The following NCKAP5 variants were observed in gnomAD, a reference collection of about 807,000 sequenced individuals.
The protein encoded by NCKAP5 is NCK associated protein 5.
In NCKAP5, 92 loss-of-function variants were observed where a neutral mutation model predicts 167.0. The observed-to-expected ratio is 0.55, with a 90% confidence interval of 0.47 to 0.66. The LOEUF is 0.66. Among genes scored for constraint, NCKAP5 ranks in the 30% least tolerant of loss-of-function variants. NCKAP5 has a pLI of 0.00. For missense variants in NCKAP5, 2,378 were observed against 2,315.0 expected, an observed-to-expected ratio of 1.03 and a Z score of -0.56; for synonymous variants, 891 against 877.4, an observed-to-expected ratio of 1.02 and a Z score of -0.27.
chr2:132,901,341 G>C (rs1477064032), intron 8 of NCKAP5, among the ~76,000 whole-genome samples: 2 of 152,186 alleles, frequency 1.3e-5, no homozygotes, highest in Non-Finnish European at 2.9e-5. Context: ...TTGCTCTGGA[G>C]GGAACATCAT....
chr2:133,132,481 G>GCGCACACACACA (rs1553546861), intron 5 of NCKAP5, among the ~76,000 whole-genome samples: 6 of 130,000 alleles, frequency 4.6e-5, no homozygotes, highest in African/African-American at 1.4e-4. Flanking sequence ...GAAAAAAAAA[G>GCGCACACACACA]CACACACACA....
At chr2:132,832,719 A>G (rs1181005544) in intron 11 of NCKAP5, among the ~76,000 whole-genome samples, 2 of 152,182 alleles carry the variant, frequency 1.3e-5, no homozygotes, top group African/African-American at 2.4e-5. Flanking sequence ...TTATGTCTGA[A>G]CAGTGTTACA....
intron 3 of NCKAP5, among the ~76,000 whole-genome samples, chr2:133,364,059 TATCATC>T (rs1005003025): frequency 5.3e-5 from 8 of 151,638 alleles, no homozygotes; most frequent in East Asian, 1.9e-4. Context: ...TAGGTGTTGG[TATCATC>T]ATCATCATCA....
intron 11 of NCKAP5, among the ~76,000 whole-genome samples, chr2:132,830,523 C>A (rs773925158): frequency 2.0e-5 from 3 of 152,044 alleles, no homozygotes; most frequent in Non-Finnish European, 4.4e-5. Flanking sequence ...TGACCACCAG[C>A]AGAAGAGGTA....
chr2:132,914,398 T>G (rs887519525), intron 8 of NCKAP5, among the ~76,000 whole-genome samples: 3 of 151,560 alleles, frequency 2.0e-5, no homozygotes, highest in Non-Finnish European at 3.0e-5. Context: ...AAAAAAATAA[T>G]GAAGTGTAAA....
intron 3 of NCKAP5, among the ~76,000 whole-genome samples, chr2:133,403,956 C>T (rs559871179): frequency 2.0e-5 from 3 of 151,792 alleles, no homozygotes; most frequent in East Asian, 3.9e-4. Flanking sequence ...CCCTTGACTG[C>T]CATGTGATGA....
chr2:132,914,974 C>G (rs992283247), intron 8 of NCKAP5, among the ~76,000 whole-genome samples: 11 of 131,994 alleles, frequency 8.3e-5, no homozygotes, highest in African/African-American at 3.2e-4. Flanking sequence ...AGCCAGCCAT[C>G]AAGTAAAGCT....
At chr2:132,973,632 G>A (rs1032834502) in intron 7 of NCKAP5, among the ~76,000 whole-genome samples, 2 of 151,786 alleles carry the variant, frequency 1.3e-5, no homozygotes, top group African/African-American at 4.8e-5. Flanking sequence ...ATTTCATTAA[G>A]ATTAGACCTG....
chr2:133,654,629 G>A, the NCKAP5 span, among the ~76,000 whole-genome samples: 1 of 152,124 alleles, frequency 6.6e-6, no homozygotes, highest in African/African-American at 2.4e-5. Flanking sequence ...TGGATTGTAA[G>A]TTTTTGGGGA....
At chr2:133,145,817 C>A (rs1031523734) in intron 5 of NCKAP5, among the ~76,000 whole-genome samples, 1 of 152,052 alleles carries the variant, frequency 6.6e-6, no homozygotes, top group Admixed American at 6.6e-5. Context: ...AACTCTGCAG[C>A]ACATTGCAGC....
At chr2:132,950,303 T>C (rs1289073497) in intron 8 of NCKAP5, among the ~76,000 whole-genome samples, 2 of 152,176 alleles carry the variant, frequency 1.3e-5, no homozygotes, top group Non-Finnish European at 2.9e-5. Flanking sequence ...TTTACTGAAT[T>C]TATATCTGGC....
At chr2:133,031,013 C>T (rs969191069) in intron 6 of NCKAP5, among the ~76,000 whole-genome samples, 5 of 152,066 alleles carry the variant, frequency 3.3e-5, no homozygotes, top group African/African-American at 1.2e-4. Context: ...AGATAAACTC[C>T]TCCTTTAAGA....
chr2:133,208,076 T>C (rs1038746047), intron 5 of NCKAP5, among the ~76,000 whole-genome samples: 2 of 152,156 alleles, frequency 1.3e-5, no homozygotes, highest in Middle Eastern at 3.2e-3. Context: ...TGGTGGCTCA[T>C]GCCTGTAATC....
intron 6 of NCKAP5, among the ~76,000 whole-genome samples, chr2:133,002,443 A>C (rs961210898): frequency 1.3e-5 from 2 of 152,228 alleles, no homozygotes; most frequent in African/African-American, 4.8e-5. Context: ...CTCTCAAAAT[A>C]TCTTATTGTA....
intron 3 of NCKAP5, among the ~76,000 whole-genome samples, chr2:133,344,968 C>T (rs1683862901): frequency 1.3e-5 from 2 of 151,930 alleles, no homozygotes. Flanking sequence ...GGAAGTCATC[C>T]AAATATCGAT....
intron 11 of NCKAP5, among the ~76,000 whole-genome samples, chr2:132,831,152 T>C (rs1267985018): frequency 6.6e-6 from 1 of 152,236 alleles, no homozygotes; most frequent in Non-Finnish European, 1.5e-5. Context: ...TCCCACCGCA[T>C]GGTGCTCCAT....
intron 11 of NCKAP5, among the ~76,000 whole-genome samples, chr2:132,814,535 T>G (rs373756552): frequency 6.6e-6 from 1 of 152,234 alleles, no homozygotes; most frequent in African/African-American, 2.4e-5. Context: ...TCAAGTCAAG[T>G]GGATTTATTT....
intron 19 of NCKAP5, among the ~76,000 whole-genome samples, chr2:132,688,929 T>G (rs1290736123): frequency 7.4e-6 from 1 of 134,620 alleles, no homozygotes; most frequent in African/African-American, 2.9e-5. Flanking sequence ...GAGGCTACAG[T>G]GAGCCGTGAT....
rs1373435337 is a variant in NCKAP5, at chr2:133,283,664, G to A, written c.143+19373C>T. Among the ~76,000 whole-genome samples the A allele has an allele frequency of 2.7e-5, 4 of 150,466 alleles. No homozygotes were observed. In the East Asian group the frequency reaches 7.8e-4, roughly 29 times the overall value. On this transcript the variant is annotated intron_variant, in intron 4 of 19. Transcript: ENST00000409261. ...CTCGCTCTGTTGCCAAGGCTGGAGT[G>A]CAATGGCAGGATCTCGGCTCACTGC...
Sources: allele counts gnomAD v4.1 joint callset (sites outside exome capture counted in the v4.1 genomes callset), GRCh38; gene constraint gnomAD v4.1.1; transcripts MANE v1.5; gene names NCBI Gene and HGNC (gene_info 2026-07-23, HGNC 2026-07-21).